The following FRMPD4 variants were observed in gnomAD, a reference collection of about 807,000 sequenced individuals.
The protein encoded by FRMPD4 is FERM and PDZ domain containing 4.
In FRMPD4, 22 loss-of-function variants were observed where a neutral mutation model predicts 94.1. The ratio of observed to expected loss-of-function variants is 0.23; its 90% CI spans 0.17 to 0.33. The LOEUF is 0.33. Ranked by LOEUF, FRMPD4 falls within the 10% of genes least tolerant of loss-of-function variation. The probability of loss-of-function intolerance (pLI) is 1.00; values close to 1 mark genes in which losing one functional copy is unlikely to be tolerated. For synonymous variants in FRMPD4, 631 were observed against 548.6 expected, an observed-to-expected ratio of 1.15 and a Z score of -2.10; for missense variants, 1,111 against 1,339.9, an observed-to-expected ratio of 0.83 and a Z score of 2.67.
intron 1 of FRMPD4, among the ~76,000 whole-genome samples, chrX:12,251,955 T>C (rs2054046317): frequency 8.9e-6 from 1 of 112,267 alleles, no homozygotes; most frequent in Non-Finnish European, 1.9e-5. Context: ...ACCAAACTCA[T>C]AAGATTGTGA....
At chrX:12,637,929 CATG>C (rs766419196) in intron 4 of FRMPD4, among the ~76,000 whole-genome samples, 2 of 112,165 alleles carry the variant, frequency 1.8e-5, no homozygotes, top group Non-Finnish European at 3.8e-5. Flanking sequence ...ATACTATTTA[CATG>C]ATATCTAAGT....
intron 3 of FRMPD4, among the ~76,000 whole-genome samples, chrX:11,893,961 G>C (rs1042360671): frequency 8.9e-6 from 1 of 111,930 alleles, no homozygotes; most frequent in Non-Finnish European, 1.9e-5. Context: ...GATCCATAAT[G>C]AGTTGACTTT....
chrX:12,264,198 G>A (rs777033192), intron 1 of FRMPD4, among the ~76,000 whole-genome samples: 7 of 111,820 alleles, frequency 6.3e-5, no homozygotes, highest in Non-Finnish European at 1.3e-4. Context: ...AAGTAAGCCA[G>A]TTTTCAGTAG....
chrX:12,666,308 T>TAA (rs2059778806), intron 4 of FRMPD4, among the ~76,000 whole-genome samples: 1 of 111,265 alleles, frequency 9.0e-6, no homozygotes, highest in Admixed American at 9.5e-5. Context: ...CAAAGAGACT[T>TAA]AGACTCCCAC....
At chrX:12,522,253 C>T (rs1392222920) in intron 2 of FRMPD4, among the ~76,000 whole-genome samples, 1 of 111,984 alleles carries the variant, frequency 8.9e-6, no homozygotes, top group Non-Finnish European at 1.9e-5. Flanking sequence ...TAGATTTCAA[C>T]CCCCATTTGG....
At chrX:12,449,973 A>G (rs1288134836) in intron 1 of FRMPD4, among the ~76,000 whole-genome samples, 1 of 110,305 alleles carries the variant, frequency 9.1e-6, no homozygotes, top group Non-Finnish European at 1.9e-5. Context: ...TGGGTGGGAG[A>G]ATGAGACCTT....
chrX:12,567,957 T>A (rs1358703708), intron 2 of FRMPD4, among the ~76,000 whole-genome samples: 2 of 111,855 alleles, frequency 1.8e-5, no homozygotes, highest in African/African-American at 3.2e-5. Flanking sequence ...TTATGTGTAT[T>A]TTTTAATAAT....
chrX:12,127,395 C>T (rs1181058459), intron 3 of FRMPD4, among the ~76,000 whole-genome samples: 1 of 111,411 alleles, frequency 9.0e-6, no homozygotes, highest in East Asian at 2.8e-4. Flanking sequence ...GAGAGAAGTG[C>T]CAAGTAAAGG....
At chrX:12,547,895 G>C (rs2058495081) in intron 2 of FRMPD4, among the ~76,000 whole-genome samples, 1 of 111,742 alleles carries the variant, frequency 8.9e-6, no homozygotes. Context: ...TCTAAGATCG[G>C]GAGTTCTAAC....
intron 3 of FRMPD4, among the ~76,000 whole-genome samples, chrX:12,046,756 G>A (rs777687074): frequency 1.8e-5 from 2 of 112,270 alleles, no homozygotes; most frequent in Admixed American, 1.9e-4. Flanking sequence ...TAACCCTCAA[G>A]TGTTCAGCTA....
intron 1 of FRMPD4, among the ~76,000 whole-genome samples, chrX:12,166,219 C>T (rs1190019208): frequency 8.9e-6 from 1 of 111,973 alleles, no homozygotes; most frequent in Non-Finnish European, 1.9e-5. Context: ...TTTTGAGATA[C>T]ATTCCATCAA....
chrX:11,977,976 C>A (rs2054375535), intron 3 of FRMPD4, among the ~76,000 whole-genome samples: 1 of 109,989 alleles, frequency 9.1e-6, no homozygotes, highest in Non-Finnish European at 1.9e-5. Flanking sequence ...TATGATGAGG[C>A]ATGTCCGACC....
intron 3 of FRMPD4, among the ~76,000 whole-genome samples, chrX:12,101,562 A>G (rs1168453278): frequency 4.5e-5 from 5 of 111,889 alleles, no homozygotes; most frequent in Non-Finnish European, 7.5e-5. Flanking sequence ...CAAATTTTTT[A>G]TAAGATTCTG....
chrX:12,338,063 T>C (rs1254622636), intron 1 of FRMPD4, among the ~76,000 whole-genome samples: 1 of 112,313 alleles, frequency 8.9e-6, no homozygotes, highest in East Asian at 2.8e-4. Context: ...ACACTGTGTC[T>C]TCACATGGTG....
In FRMPD4 at chrX:12,049,793, G is replaced by A. The variant is rs189057346; in HGVS notation, c.95+171775G>A. ...CCTGCCAGTGGGACAAGTTGGGAAG[G>A]TGAAAGACAATGATAGTGATGATTC... On this transcript the variant is annotated intron_variant, in intron 3 of 18. Transcript: ENST00000640291. 2.9e-4 allele frequency among the ~76,000 whole-genome samples: 32 copies of A among 111,440 alleles called. No individual in the cohort carries two copies. In the East Asian group the frequency reaches 8.4e-3, roughly 29 times the overall value.
intron 1 of FRMPD4, among the ~76,000 whole-genome samples, chrX:12,176,018 C>T (rs926927734): frequency 8.9e-6 from 1 of 112,242 alleles, no homozygotes; most frequent in Non-Finnish European, 1.9e-5. Context: ...AGAGCCCTGA[C>T]TTACAGTATT....
intron 2 of FRMPD4, among the ~76,000 whole-genome samples, chrX:12,607,727 G>T (rs1489815880): frequency 1.8e-5 from 2 of 112,265 alleles, no homozygotes; most frequent in Non-Finnish European, 3.8e-5. Context: ...GGTAACAGAT[G>T]AGTGTTAGCA....
At chrX:11,934,324 A>C (rs1191598453) in intron 3 of FRMPD4, among the ~76,000 whole-genome samples, 1 of 111,906 alleles carries the variant, frequency 8.9e-6, no homozygotes, top group Non-Finnish European at 1.9e-5. Context: ...TGTACATAGA[A>C]ACAGGATGTT....
chrX:12,498,656 T>G, intron 1 of FRMPD4, 24 bp from the exon 2 acceptor site: 2 of 870,243 alleles, frequency 2.3e-6, no homozygotes, highest in Non-Finnish European at 3.4e-6. Context: ...GGTGTAATGA[T>G]GCTTTTTTTT....
Sources: allele counts gnomAD v4.1 joint callset (sites outside exome capture counted in the v4.1 genomes callset), GRCh38; gene constraint gnomAD v4.1.1; transcripts MANE v1.5; gene names NCBI Gene and HGNC (gene_info 2026-07-23, HGNC 2026-07-21).